Variants in ZNF33B observed in about 807,000 individuals in gnomAD.
ZNF33B encodes zinc finger protein 33B.
A neutral mutation model predicts 45.8 loss-of-function variants in ZNF33B; 29 were observed. That is an observed-to-expected ratio of 0.63 (90% CI 0.47 to 0.86). ZNF33B has a LOEUF of 0.86. Ranked by LOEUF, ZNF33B falls within the 40% of genes least tolerant of loss-of-function variation. The pLI, the probability that ZNF33B is intolerant of heterozygous loss-of-function variation, is 0.00. For synonymous variants in ZNF33B, 305 were observed against 307.8 expected, an observed-to-expected ratio of 0.99 and a Z score of 0.10; for missense variants, 831 against 909.9, an observed-to-expected ratio of 0.91 and a Z score of 1.12.
intron 4 of ZNF33B, among the ~76,000 whole-genome samples, chr10:42,630,286 G>A (rs1838992139): frequency 6.6e-6 from 1 of 152,086 alleles, no homozygotes; most frequent in Non-Finnish European, 1.5e-5. Flanking sequence ...CTCAGTACTT[G>A]AGAAAATATA....
chr10:42,596,972 G>A (rs1012031193), intron 4 of ZNF33B, among the ~76,000 whole-genome samples: 3 of 149,706 alleles, frequency 2.0e-5, no homozygotes, highest in Non-Finnish European at 4.4e-5. Context: ...AGGTATGAGT[G>A]TACATCCTTG....
rs866755687 is a variant in ZNF33B at position 42,631,194 on chromosome 10, T to A, written c.250+735A>T. The stretch of plus-strand genomic sequence containing the variant: ...TAATATACTTAGAGACATAATTTTG[T>A]TTTTTTTTTATATTTATTTACTTAT... On this transcript the variant is annotated intron_variant, in intron 4 of 4. Transcript: ENST00000359467. Among the ~76,000 whole-genome samples the A allele has an allele frequency of 3.2e-3, 489 of 150,768 alleles. 3 individuals are homozygous for A. The highest frequency in any genetic ancestry group is 3.6e-3 in the Non-Finnish European group (242 of 67,672).
downstream of ZNF33B, among the ~76,000 whole-genome samples, chr10:42,587,392 T>C (rs1362907443): frequency 3.9e-5 from 6 of 152,122 alleles, no homozygotes; most frequent in Non-Finnish European, 8.8e-5. Context: ...AGACGGGGTT[T>C]CACCATATTG....
chr10:42,575,323 G>A (rs1836732511), intron 1 of ZNF33B, among the ~76,000 whole-genome samples: 2 of 152,118 alleles, frequency 1.3e-5, no homozygotes, highest in Non-Finnish European at 2.9e-5. Context: ...GTGGAGGAAG[G>A]ATGGCAAAGA....
At chr10:42,574,826 C>T (rs555110888) in intron 1 of ZNF33B, 1 of 152,140 alleles carries the variant, frequency 6.6e-6, no homozygotes, top group Non-Finnish European at 1.5e-5. Flanking sequence ...ACAGAGGATA[C>T]CTGTGGAAAA....
chr10:42,593,564 A>G lies in ZNF33B; in HGVS notation c.1386T>C (p.Thr462=). 1 of 1,613,254 alleles carries G rather than the reference A, an allele frequency of 6.2e-7. No homozygotes were observed. ...ATTCAAAAGGTTTCTCACCTGTGTG[A>G]GTTCTCTGGTGTACTGTAAGGTGTG... ...MNSHLTVHQR[T]HTGEKPFECL... The change falls in exon 5 of 5, where the codon ACT becomes ACC. Residue 462 remains threonine, a synonymous_variant. Coordinates refer to ENST00000359467, the MANE Select transcript of ZNF33B (RefSeq NM_006955.3).
intron 1 of ZNF33B, among the ~76,000 whole-genome samples, chr10:42,577,432 A>C (rs546877295): frequency 6.6e-6 from 1 of 152,124 alleles, no homozygotes; most frequent in Non-Finnish European, 1.5e-5. Flanking sequence ...TGACCTCCTC[A>C]CTTAGTCAGC....
chr10:42,638,272 G>C (rs1276991885), intron 1 of ZNF33B, among the ~76,000 whole-genome samples: 1 of 152,236 alleles, frequency 6.6e-6, no homozygotes, highest in Non-Finnish European at 1.5e-5. Context: ...CAACGCACAG[G>C]GCGTAGCCCG....
intron 4 of ZNF33B, among the ~76,000 whole-genome samples, chr10:42,615,082 G>A (rs991833330): frequency 6.6e-6 from 1 of 152,098 alleles, no homozygotes. Flanking sequence ...AAAAAGTGTT[G>A]GCAAACTGGA....
chr10:42,616,751 C>T lies in ZNF33B; in HGVS notation c.250+15178G>A, dbSNP rs993864646. 6.6e-5 allele frequency among the ~76,000 whole-genome samples: 10 copies of T among 151,964 alleles called. 1 individual carries two copies. The highest frequency in any genetic ancestry group is 6.6e-4 in the Admixed American group (10 of 15,254). On this transcript the variant is annotated intron_variant, in intron 4 of 4. Coordinates refer to ENST00000359467, the MANE Select transcript of ZNF33B (RefSeq NM_006955.3). ...TCGCTCTGTCGCCAGGCTGGAGTGT[C>T]GTGGCACCATTTCGGCTCACTGCAA...
chr10:42,606,852 C>G (rs189107841), intron 4 of ZNF33B, among the ~76,000 whole-genome samples: 197 of 151,476 alleles, frequency 1.3e-3, no homozygotes, highest in Non-Finnish European at 2.5e-3. Flanking sequence ...GGTTGAGTAT[C>G]TCTTATCTGA....
Position 42,590,228 on chromosome 10 carries a change from G to A in ZNF33B, c.*2385C>T, listed in dbSNP as rs917687648. ...TGTTTTTGCCTGGCTTTGGTATTAG[G>A]GTAATCCTGGCCTCACAAAATGATT... is the stretch of plus-strand genomic sequence containing the variant. On this transcript the variant is annotated 3_prime_UTR_variant, in exon 5 of 5. Transcript: ENST00000359467. 8 of 152,054 alleles carry A rather than the reference G, an allele frequency of 5.3e-5. No individual in the cohort carries two copies. Among genetic ancestry groups the A allele is most frequent in the African/African-American group, 1.9e-4 (8 of 41,378 alleles). The allele number at this position is 152,054 out of a possible 1,614,324, so 9.4% of individuals were successfully genotyped here.
intron 4 of ZNF33B, among the ~76,000 whole-genome samples, chr10:42,606,958 A>T (rs534547628): frequency 8.4e-4 from 128 of 152,316 alleles, no homozygotes; most frequent in African/African-American, 2.9e-3. Flanking sequence ...CAAATCCAGA[A>T]ATCTAAAATC....
At chr10:42,588,895 C>T (rs572288240), downstream of ZNF33B, among the ~76,000 whole-genome samples, 4 of 152,240 alleles carry the variant, frequency 2.6e-5, no homozygotes, top group South Asian at 2.1e-4. Context: ...GGGATGGAAA[C>T]GAGTTTAGGT....
chr10:42,610,736 A>C (rs969142038), intron 4 of ZNF33B, among the ~76,000 whole-genome samples: 1 of 152,256 alleles, frequency 6.6e-6, no homozygotes, highest in Non-Finnish European at 1.5e-5. Flanking sequence ...CTGCCAAATT[A>C]ATATCTAAAT....
intron 1 of ZNF33B, chr10:42,581,535 C>A (rs867049080): frequency 5.4e-4 from 82 of 150,878 alleles, no homozygotes; most frequent in African/African-American, 1.8e-3. Context: ...CACTGGCAAC[C>A]AGCCCACTGG....
At chr10:42,614,559 TTCTC>T in intron 4 of ZNF33B, among the ~76,000 whole-genome samples, 1 of 152,198 alleles carries the variant, frequency 6.6e-6, no homozygotes, top group South Asian at 2.1e-4. Flanking sequence ...TTAATGGCAA[TTCTC>T]TCTACTACCT....
chr10:42,622,535 G>C (rs74137913), intron 4 of ZNF33B, among the ~76,000 whole-genome samples: 17,080 of 152,128 alleles, frequency 0.11, 1,142 homozygotes, highest in African/African-American at 0.18. Context: ...ACTGCCTATG[G>C]TCAACTGATT....
chr10:42,626,543 C>A (rs1296783023), intron 4 of ZNF33B, among the ~76,000 whole-genome samples: 1 of 151,990 alleles, frequency 6.6e-6, no homozygotes, highest in Admixed American at 6.6e-5. Flanking sequence ...CAAAAATTAG[C>A]CGAGCATGGT....
Sources: gnomAD v4.1 joint callset for allele counts (sites outside exome capture counted in the v4.1 genomes callset) on GRCh38, gnomAD v4.1.1 for gene constraint, MANE v1.5 for transcripts, NCBI Gene and HGNC (gene_info 2026-07-23, HGNC 2026-07-21) for gene names.